GTF2I: variants seen among roughly 807,000 people sequenced by gnomAD.
GTF2I encodes general transcription factor II-I.
GTF2I carries 12 observed loss-of-function variants against 67.6 expected under a neutral mutation model. The ratio of observed to expected loss-of-function variants is 0.18; its 90% CI spans 0.11 to 0.29. GTF2I has a LOEUF of 0.29. Ranked by LOEUF, GTF2I falls within the 10% of genes least tolerant of loss-of-function variation. GTF2I has a pLI of 1.00. For missense variants in GTF2I, 271 were observed against 580.1 expected (o/e 0.47, Z 5.47); for synonymous variants, 149 against 197.0 (o/e 0.76, Z 2.04).
rs146001305 is a variant in GTF2I at position 74,683,713 on chromosome 7, T to G, written c.-5-5411T>G. ...ACTAAAAATACAAAAATTACCCGGG[T>G]GTGGTGGCGGGCGCCTGTCATCCCA... is the stretch of plus-strand genomic sequence containing the variant. On this transcript the variant is annotated intron_variant, in intron 1 of 34. Coordinates refer to ENST00000573035, the MANE Select transcript of GTF2I (RefSeq NM_032999.4). Among the ~76,000 whole-genome samples, 1,346 of 151,416 alleles carry G rather than the reference T, an allele frequency of 8.9e-3. 6 individuals are homozygous for G. The highest frequency in any genetic ancestry group is 0.022 in the East Asian group (111 of 5,132).
chr7:74,689,499 C>T (rs1173580589), intron 2 of GTF2I, among the ~76,000 whole-genome samples: 2 of 149,240 alleles, frequency 1.3e-5, no homozygotes, highest in East Asian at 4.0e-4. Context: ...GGATTACAGG[C>T]GCCTGCCACC....
At chr7:74,678,600 CTG>C (rs1192937399) in intron 1 of GTF2I, among the ~76,000 whole-genome samples, 1 of 152,016 alleles carries the variant, frequency 6.6e-6, no homozygotes, top group Non-Finnish European at 1.5e-5. Context: ...TTCGTTGAGA[CTG>C]AGTCTTCAGT....
chr7:74,692,783 A>G (rs1332905369), intron 3 of GTF2I, among the ~76,000 whole-genome samples: 3 of 152,106 alleles, frequency 2.0e-5, no homozygotes, highest in Non-Finnish European at 4.4e-5. Flanking sequence ...TTTTTTTGAG[A>G]CGGAGTTTTG....
chr7:74,658,261 C>T (rs1804107031), intron 1 of GTF2I, among the ~76,000 whole-genome samples, 193 bp downstream of exon 1: 1 of 150,072 alleles, frequency 6.7e-6, no homozygotes, highest in South Asian at 2.1e-4. Context: ...CCCCCACCGC[C>T]TCGCCGGGTC....
chr7:74,691,835 G>GGCAC (rs1284128489), intron 3 of GTF2I, among the ~76,000 whole-genome samples: 1 of 151,762 alleles, frequency 6.6e-6, no homozygotes, highest in Non-Finnish European at 1.5e-5. Context: ...GGAGTGCAAT[G>GGCAC]GCACGATCTC....
chr7:74,681,683 A>G (rs1787286036), intron 1 of GTF2I, among the ~76,000 whole-genome samples: 1 of 152,210 alleles, frequency 6.6e-6, no homozygotes, highest in Non-Finnish European at 1.5e-5. Context: ...AGCCCAAAGC[A>G]GACGGATCAA....
intron 1 of GTF2I, among the ~76,000 whole-genome samples, chr7:74,668,861 C>T (rs1554389563): frequency 6.6e-6 from 1 of 151,990 alleles, no homozygotes; most frequent in East Asian, 1.9e-4. Flanking sequence ...TGTGAGCCAC[C>T]GTGCCTGGCT....
intron 12 of GTF2I, among the ~76,000 whole-genome samples, chr7:74,719,423 T>A (rs1554404161): frequency 2.6e-5 from 4 of 152,224 alleles, no homozygotes; most frequent in Admixed American, 2.0e-4. Context: ...CTTTCAAAAC[T>A]GTTTTGAAGC....
intron 12 of GTF2I, chr7:74,722,769 C>T (rs1793194802): frequency 6.6e-6 from 1 of 152,070 alleles, no homozygotes; most frequent in Non-Finnish European, 1.5e-5. Flanking sequence ...GCAGCTGGTA[C>T]TGTAGGTTTT....
intron 1 of GTF2I, among the ~76,000 whole-genome samples, chr7:74,680,099 A>AAAAAAAAAAAAAAATATAT: frequency 1.8e-4 from 17 of 94,964 alleles, no homozygotes; most frequent in South Asian, 3.3e-4. Context: ...AAAAAAAAAA[A>AAAAAAAAAAAAAAATATAT]ATATATATAT....
chr7:74,668,318 A>G (rs925678773), intron 1 of GTF2I, among the ~76,000 whole-genome samples: 6 of 128,570 alleles, frequency 4.7e-5, no homozygotes, highest in Non-Finnish European at 9.5e-5. Context: ...GTTTTGTAGC[A>G]TGGCAAAGCC....
At chr7:74,714,406 G>T (rs1791997990) in intron 9 of GTF2I, among the ~76,000 whole-genome samples, 1 of 152,020 alleles carries the variant, frequency 6.6e-6, no homozygotes, top group Admixed American at 6.6e-5. Context: ...TCTAAGGAAG[G>T]TATATAACAT....
intron 9 of GTF2I, among the ~76,000 whole-genome samples, chr7:74,713,930 T>G (rs1554403080): frequency 6.6e-6 from 1 of 152,162 alleles, no homozygotes; most frequent in African/African-American, 2.4e-5. Context: ...ATTTCTTTAT[T>G]TCTCATGCAA....
At chr7:74,672,707 G>T (rs1040099342) in intron 1 of GTF2I, among the ~76,000 whole-genome samples, 1 of 152,176 alleles carries the variant, frequency 6.6e-6, no homozygotes, top group African/African-American at 2.4e-5. Flanking sequence ...TCCAGGTCTA[G>T]TGTAGTCTCT....
intron 7 of GTF2I, 96 bp from the exon 8 acceptor site, chr7:74,706,294 G>A: frequency 5.2e-6 from 5 of 969,786 alleles, no homozygotes; most frequent in South Asian, 4.2e-5. Flanking sequence ...TTGGTCAAGG[G>A]AGGGATCTTA....
At chr7:74,698,774 T>C (rs1245566523) in intron 3 of GTF2I, among the ~76,000 whole-genome samples, 187 bp from the exon 4 acceptor site, 1 of 152,098 alleles carries the variant, frequency 6.6e-6, no homozygotes, top group African/African-American at 2.4e-5. Flanking sequence ...TAACAAATCA[T>C]TGGTTACAAT....
intron 1 of GTF2I, among the ~76,000 whole-genome samples, chr7:74,680,161 C>T (rs909021508): frequency 2.3e-5 from 3 of 133,062 alleles, no homozygotes; most frequent in African/African-American, 5.6e-5. Flanking sequence ...TATGTATATA[C>T]ACACATATAT....
chr7:74,696,611 G>A (rs185517492), intron 3 of GTF2I, among the ~76,000 whole-genome samples: 5 of 151,472 alleles, frequency 3.3e-5, no homozygotes, highest in African/African-American at 4.8e-5. Context: ...TTCTGCCTCC[G>A]CCTCCCAAGT....
At chr7:74,658,647 C>T (rs1317607915) in intron 1 of GTF2I, among the ~76,000 whole-genome samples, 1 of 150,640 alleles carries the variant, frequency 6.6e-6, no homozygotes, top group Non-Finnish European at 1.5e-5. Flanking sequence ...TGCCTGGTAA[C>T]TGCGGCGGGC....
Sources: allele counts gnomAD v4.1 joint callset (sites outside exome capture counted in the v4.1 genomes callset), GRCh38; gene constraint gnomAD v4.1.1; transcripts MANE v1.5; gene names NCBI Gene and HGNC (gene_info 2026-07-23, HGNC 2026-07-21).